ATP2B2: variants seen among roughly 807,000 people sequenced by gnomAD.
ATP2B2 encodes plasma membrane calcium-transporting ATPase 2.
Under a neutral mutation model 120.0 loss-of-function variants are expected in ATP2B2, and 15 were observed. The ratio of observed to expected loss-of-function variants is 0.12; its 90% confidence interval spans 0.08 to 0.19. ATP2B2 has a LOEUF of 0.19. ATP2B2 is among the 10% of genes least tolerant of loss of function. The probability of loss-of-function intolerance (pLI) is 1.00; values close to 1 mark genes in which losing one functional copy is unlikely to be tolerated. For missense variants in ATP2B2, 1,045 were observed against 1,719.8 expected (o/e 0.61, Z 6.94); for synonymous variants, 694 against 700.3 (o/e 0.99, Z 0.14).
intron 2 of ATP2B2, among the ~76,000 whole-genome samples, chr3:10,613,750 C>A (rs570612697): frequency 6.6e-5 from 10 of 151,964 alleles, no homozygotes; most frequent in African/African-American, 2.2e-4. Context: ...TTGCCCCCTG[C>A]AGCAGACTCT....
At position 10,417,072 on chromosome 3, in the gene ATP2B2, G is replaced by GCC. The variant is rs1480381520; in HGVS notation, c.200-6258_200-6257insGG. Reference sequence around the variant, plus strand: ...CTCCTCACTTCCCAGACGGCGGCGGGGGGGGGCGGGCAGAGGGGCTCCTCA... The same window carrying GCC: ...CTCCTCACTTCCCAGACGGCGGCGGGCCGGGGGGCGGGCAGAGGGGCTCCTCA... On this transcript the variant is annotated intron_variant, in intron 2 of 22. Coordinates refer to ENST00000360273, the MANE Select transcript of ATP2B2 (RefSeq NM_001001331.4). Among the ~76,000 whole-genome samples, 16 of 138,940 alleles carry GCC rather than the reference G, an allele frequency of 1.2e-4. 1 individual carries two copies. Among genetic ancestry groups the GCC allele is most frequent in the African/African-American group, 4.8e-4 (15 of 31,100 alleles). 91.2% of individuals were successfully genotyped at this position (138,940 alleles called of 152,430 possible).
rs78166449 is a variant in ATP2B2 at position 10,526,080 on chromosome 3, A to C, written c.-320+7959T>G. On this transcript the variant is annotated intron_variant, in intron 3 of 21. Coordinates refer to the ATP2B2 transcript ENST00000646379. ...GCCTGGTGCACAGTAAGTGTTCAAT[A>C]AATAGGAATGATGAGGATTATTGTG... Among the ~76,000 whole-genome samples, 1,044 of 152,352 alleles carry C rather than the reference A, an allele frequency of 6.9e-3. 48 individuals are homozygous for C. In the East Asian group the frequency reaches 0.11, roughly 16 times the overall value.
At chr3:10,637,849 A>C (rs562505217) in intron 1 of ATP2B2, among the ~76,000 whole-genome samples, 27 of 152,316 alleles carry the variant, frequency 1.8e-4, no homozygotes, top group African/African-American at 5.5e-4. Flanking sequence ...AGGCACATCA[A>C]AATCAAATTG....
intron 2 of ATP2B2, among the ~76,000 whole-genome samples, chr3:10,432,025 T>C (rs1161214489): frequency 6.6e-6 from 1 of 152,162 alleles, no homozygotes; most frequent in East Asian, 1.9e-4. Context: ...GAATGACAGG[T>C]CCTAGAGGCT....
chr3:10,336,754 T>C (rs1330681100), intron 22 of ATP2B2, among the ~76,000 whole-genome samples: 1 of 152,188 alleles, frequency 6.6e-6, no homozygotes, highest in Non-Finnish European at 1.5e-5. Flanking sequence ...TGAGTCGAGT[T>C]TCTTGTTCTT....
At chr3:10,586,172 T>G (rs543474441) in intron 2 of ATP2B2, among the ~76,000 whole-genome samples, 28 of 152,364 alleles carry the variant, frequency 1.8e-4, no homozygotes, top group African/African-American at 6.7e-4. Context: ...TACCCAGTTA[T>G]GTCCTTGCTC....
At chr3:10,378,592 G>A (rs146657937) in intron 9 of ATP2B2, among the ~76,000 whole-genome samples, 182 bp from the exon 10 acceptor site, 4 of 152,164 alleles carry the variant, frequency 2.6e-5, no homozygotes, top group East Asian at 3.8e-4. Context: ...TCTTCCAGCC[G>A]GAGCTATGGA....
At chr3:10,658,107 C>G (rs984506442) in intron 1 of ATP2B2, among the ~76,000 whole-genome samples, 6 of 152,328 alleles carry the variant, frequency 3.9e-5, no homozygotes, top group Admixed American at 2.6e-4. Flanking sequence ...ACGTCACCAT[C>G]ATCAAAGACA....
chr3:10,468,580 C>T (rs1575322122), intron 1 of ATP2B2, among the ~76,000 whole-genome samples: 1 of 152,348 alleles, frequency 6.6e-6, no homozygotes, highest in East Asian at 1.9e-4. Context: ...CATCATAGTG[C>T]AGCCTCCTTT....
chr3:10,471,868 CAGG>C (rs1269096063), intron 1 of ATP2B2, among the ~76,000 whole-genome samples: 2 of 151,706 alleles, frequency 1.3e-5, no homozygotes, highest in Non-Finnish European at 2.9e-5. Flanking sequence ...ATAACGAGGT[CAGG>C]AGATCGAGAC....
chr3:10,439,106 G>A (rs546770757), intron 2 of ATP2B2, among the ~76,000 whole-genome samples: 10 of 152,364 alleles, frequency 6.6e-5, no homozygotes, highest in African/African-American at 2.4e-4. Context: ...CCTGGGCACT[G>A]ATGGGCCAAG....
chr3:10,679,962 A>G (rs2071342303), intron 1 of ATP2B2, among the ~76,000 whole-genome samples: 1 of 152,114 alleles, frequency 6.6e-6, no homozygotes, highest in African/African-American at 2.4e-5. Context: ...ATATGGTTCG[A>G]GGATGTTAAT....
rs536610144 is a variant in ATP2B2 at position 10,562,881 on chromosome 3, A to G, written c.-414-28748T>C. ...TCTTTGCATAAGGTGTGTTGCAATT[A>G]TGTATGTATGTATAATCAATTTGGT... On this transcript the variant is annotated intron_variant, in intron 2 of 21. Transcript: ENST00000646379. Among the ~76,000 whole-genome samples the G allele has an allele frequency of 3.3e-5, 5 of 152,342 alleles. No individual in the cohort carries two copies. The East Asian group carries it at 7.7e-4, about 24-fold the overall frequency.
At chr3:10,443,034 G>A (rs1424695958) in intron 2 of ATP2B2, among the ~76,000 whole-genome samples, 5 of 152,204 alleles carry the variant, frequency 3.3e-5, no homozygotes, top group African/African-American at 1.2e-4. Flanking sequence ...TGTGACACTA[G>A]TCATAGACCC....
intron 1 of ATP2B2, among the ~76,000 whole-genome samples, chr3:10,456,233 A>C (rs1340073467): frequency 2.6e-5 from 4 of 152,272 alleles, no homozygotes; most frequent in Non-Finnish European, 4.4e-5. Flanking sequence ...GGACAGTCGT[A>C]CATGAATTAT....
chr3:10,432,745 C>T (rs2063358703), intron 2 of ATP2B2, among the ~76,000 whole-genome samples: 1 of 152,222 alleles, frequency 6.6e-6, no homozygotes, highest in African/African-American at 2.4e-5. Flanking sequence ...GGGCTGTCTC[C>T]CTGGGACCTG....
chr3:10,489,716 C>T (rs933289266), intron 1 of ATP2B2, among the ~76,000 whole-genome samples: 1 of 152,204 alleles, frequency 6.6e-6, no homozygotes, highest in African/African-American at 2.4e-5. Context: ...TGGGAACCTG[C>T]CTTCAACTCA....
At chr3:10,392,490 T>C (rs1312088426) in intron 5 of ATP2B2, among the ~76,000 whole-genome samples, 2 of 152,098 alleles carry the variant, frequency 1.3e-5, no homozygotes, top group African/African-American at 4.8e-5. Flanking sequence ...GCAGAAGCAA[T>C]TAATGGCAGA....
At chr3:10,471,373 T>A (rs1036150155) in intron 1 of ATP2B2, among the ~76,000 whole-genome samples, 20 of 32,598 alleles carry the variant, frequency 6.1e-4, no homozygotes, top group African/African-American at 5.8e-3. Context: ...CCTGTGTGTG[T>A]GTGTGTGTGT....
Sources: allele counts gnomAD v4.1 joint callset (sites outside exome capture counted in the v4.1 genomes callset), GRCh38; gene constraint gnomAD v4.1.1; transcripts MANE v1.5; gene names NCBI Gene and HGNC (gene_info 2026-07-23, HGNC 2026-07-21).